The following PPP2R2A variants were observed in gnomAD, a reference collection of about 807,000 sequenced individuals.
PPP2R2A encodes protein phosphatase 2 regulatory subunit Balpha.
PPP2R2A carries 9 observed loss-of-function variants against 53.2 expected under a neutral mutation model. The observed-to-expected ratio is 0.17, with a 90% CI of 0.10 to 0.30. The LOEUF is 0.30. Among genes scored for constraint, PPP2R2A ranks in the 10% least tolerant of loss-of-function variants. The pLI is 1.00. For synonymous variants in PPP2R2A, 169 were observed against 174.2 expected, an observed-to-expected ratio of 0.97 and a Z score of 0.23; for missense variants, 235 against 534.6, an observed-to-expected ratio of 0.44 and a Z score of 5.53.
At chr8:26,342,169 A>G (rs575508134) in intron 3 of PPP2R2A, among the ~76,000 whole-genome samples, 2 of 152,342 alleles carry the variant, frequency 1.3e-5, no homozygotes, top group East Asian at 3.9e-4. Context: ...GGGCACCTAA[A>G]GAAATTGAGG....
intron 3 of PPP2R2A, among the ~76,000 whole-genome samples, chr8:26,347,891 TGAG>T (rs1435770726): frequency 2.6e-5 from 4 of 152,218 alleles, no homozygotes; most frequent in Admixed American, 2.6e-4. Flanking sequence ...GAGAAAGTTT[TGAG>T]ATTTCTCTTG....
intron 2 of PPP2R2A, among the ~76,000 whole-genome samples, chr8:26,316,066 G>A (rs1040902662): frequency 2.0e-5 from 3 of 152,078 alleles, no homozygotes; most frequent in African/African-American, 7.2e-5. Context: ...GTACAACGGT[G>A]CGACCTCGGC....
intron 2 of PPP2R2A, among the ~76,000 whole-genome samples, chr8:26,328,140 G>A (rs552463305): frequency 3.8e-4 from 58 of 152,286 alleles, no homozygotes; most frequent in African/African-American, 1.4e-3. Flanking sequence ...CTTTTTCAGA[G>A]CCTCAGTTTA....
chr8:26,293,470 G>C lies in PPP2R2A; in HGVS notation c.8-196G>C, dbSNP rs1020015165. 5.7e-6 allele frequency: 4 copies of C among 697,462 alleles called. No homozygotes were observed. In the Admixed American group the frequency reaches 9.4e-5, roughly 16 times the overall value. 43.2% of individuals were successfully genotyped at this position (697,462 alleles called of 1,614,324 possible). ...TGTGCCTTTAAATATTTCGTACCTG[G>C]AATCTTTTTTTTCTTTCTAATGCAG... On this transcript the variant is annotated intron_variant, in intron 1 of 9. Transcript: ENST00000380737.
intron 9 of PPP2R2A, among the ~76,000 whole-genome samples, chr8:26,369,613 C>T (rs1350349812): frequency 9.2e-5 from 14 of 152,148 alleles, no homozygotes; most frequent in Non-Finnish European, 1.5e-5. Flanking sequence ...AGAATGGTCT[C>T]GATCTCCTGA....
At chr8:26,306,810 C>T (rs768478747) in intron 2 of PPP2R2A, among the ~76,000 whole-genome samples, 1 of 152,172 alleles carries the variant, frequency 6.6e-6, no homozygotes, top group East Asian at 1.9e-4. Flanking sequence ...TGCCACTACA[C>T]ACCAGCTTGG....
At chr8:26,348,533 G>C (rs1804335339) in intron 3 of PPP2R2A, among the ~76,000 whole-genome samples, 1 of 152,140 alleles carries the variant, frequency 6.6e-6, no homozygotes, top group Non-Finnish European at 1.5e-5. Flanking sequence ...TTTGTATTTA[G>C]ACTTGGGTCC....
At chr8:26,330,514 A>G (rs759897237) in intron 2 of PPP2R2A, among the ~76,000 whole-genome samples, 3 of 151,736 alleles carry the variant, frequency 2.0e-5, no homozygotes, top group East Asian at 3.9e-4. Flanking sequence ...TTTTTTTAGT[A>G]GAGACAGGGT....
Position 26,326,305 on chromosome 8 carries a change from T to G in PPP2R2A, c.83-12585T>G, listed in dbSNP as rs1803083451. ...GTTCTCAGTCTCCTTCACTTCAGTT[T>G]GAGCAATCTAAGGTGCATGTCTGAC... is the stretch of plus-strand genomic sequence containing the variant. On this transcript the variant is annotated intron_variant, in intron 2 of 9. Transcript: ENST00000380737. 2.0e-5 allele frequency among the ~76,000 whole-genome samples: 3 copies of G among 152,252 alleles called. No homozygotes were observed. In the South Asian group the frequency reaches 6.2e-4, roughly 31 times the overall value.
intron 2 of PPP2R2A, among the ~76,000 whole-genome samples, chr8:26,331,193 G>C (rs892412532): frequency 6.6e-6 from 1 of 152,212 alleles, no homozygotes; most frequent in Admixed American, 6.5e-5. Flanking sequence ...CTGTCTTGGT[G>C]CTTCCAGTCA....
At chr8:26,367,276 C>T (rs886916416) in intron 9 of PPP2R2A, among the ~76,000 whole-genome samples, 8 of 151,600 alleles carry the variant, frequency 5.3e-5, no homozygotes, top group African/African-American at 1.9e-4. Context: ...TACTACTAAA[C>T]CTGAGGCATC....
rs1333151726 is a variant in PPP2R2A at position 26,362,207 on chromosome 8, T to C, written c.638-477T>C. Among the ~76,000 whole-genome samples, 2 of 151,438 alleles carry C rather than the reference T, an allele frequency of 1.3e-5. No individual in the cohort carries two copies. Among genetic ancestry groups the C allele is most frequent in the Non-Finnish European group, 2.9e-5 (2 of 67,838 alleles). On this transcript the variant is annotated intron_variant, in intron 6 of 9. Coordinates refer to ENST00000380737, the MANE Select transcript of PPP2R2A (RefSeq NM_002717.4). The surrounding 1 kb of genome is among the most constrained non-coding windows in gnomAD (Gnocchi z 4.4). ...GATTGGGTAAATAAAAATATTCTATTGAGGCCGGGCACAGTGACTCATGCC... is the reference window on the plus strand; with the variant it reads ...GATTGGGTAAATAAAAATATTCTATCGAGGCCGGGCACAGTGACTCATGCC...
chr8:26,361,869 G>C (rs1021628819), intron 6 of PPP2R2A, among the ~76,000 whole-genome samples: 2 of 151,778 alleles, frequency 1.3e-5, no homozygotes, highest in African/African-American at 4.8e-5. Flanking sequence ...GCTGAGTTAG[G>C]AGAATTGCTT....
At chr8:26,293,141 C>G in intron 1 of PPP2R2A, 1 of 1,177,756 alleles carries the variant, frequency 8.5e-7, no homozygotes, top group East Asian at 2.6e-5. Context: ...CTGTCTGGAG[C>G]CAGTGATTTG....
At chr8:26,293,302 C>T in intron 1 of PPP2R2A, 1 of 1,520,794 alleles carries the variant, frequency 6.6e-7, no homozygotes, top group Non-Finnish European at 8.8e-7. Flanking sequence ...ACCTTATTAA[C>T]TCTTCTGCAG....
chr8:26,309,484 C>A (rs1802176834), intron 2 of PPP2R2A, among the ~76,000 whole-genome samples: 1 of 152,164 alleles, frequency 6.6e-6, no homozygotes, highest in Non-Finnish European at 1.5e-5. Context: ...CTTAAAGTCA[C>A]CCAGCTGCAT....
At chr8:26,311,544 A>C (rs945365414) in intron 2 of PPP2R2A, among the ~76,000 whole-genome samples, 1 of 152,114 alleles carries the variant, frequency 6.6e-6, no homozygotes, top group Non-Finnish European at 1.5e-5. Context: ...TGGTGCAAGC[A>C]TGTAATCCCA....
chr8:26,311,724 C>T (rs1204378144), intron 2 of PPP2R2A, among the ~76,000 whole-genome samples: 1 of 152,156 alleles, frequency 6.6e-6, no homozygotes, highest in Non-Finnish European at 1.5e-5. Context: ...GAAATTCAAG[C>T]TTCTTTTTTT....
At chr8:26,344,705 G>A (rs1203869524) in intron 3 of PPP2R2A, among the ~76,000 whole-genome samples, 2 of 152,074 alleles carry the variant, frequency 1.3e-5, no homozygotes, top group Non-Finnish European at 2.9e-5. Flanking sequence ...ATCTTTTGGG[G>A]CTCCTTAGGG....
Sources: gnomAD v4.1 joint callset for allele counts (sites outside exome capture counted in the v4.1 genomes callset) on GRCh38, gnomAD v4.1.1 for gene constraint, Gnocchi (gnomAD v3.1) non-coding constraint, MANE v1.5 for transcripts, NCBI Gene and HGNC (gene_info 2026-07-23, HGNC 2026-07-21) for gene names.